Variants in PALS1 observed in about 807,000 individuals in gnomAD.
The protein encoded by PALS1 is protein associated with LIN7 1, MAGUK p55 family member.
In PALS1, 31 loss-of-function variants were observed where a neutral mutation model predicts 78.9. The observed-to-expected ratio is 0.39, with a 90% CI of 0.30 to 0.53. The LOEUF (loss-of-function observed/expected upper bound fraction) is 0.53, where lower values mean the gene tolerates loss of function less well. PALS1 is among the 20% of genes least tolerant of loss of function. The pLI, the probability that PALS1 is intolerant of heterozygous loss-of-function variation, is 0.67. For missense variants in PALS1, 704 were observed against 826.5 expected, an observed-to-expected ratio of 0.85 and a Z score of 1.82; for synonymous variants, 276 against 270.9, an observed-to-expected ratio of 1.02 and a Z score of -0.18.
At chr14:67,254,582 GTCGTACTTGTCCTGAAATACTC>G (rs2084117509) in intron 1 of PALS1, among the ~76,000 whole-genome samples, 1 of 151,974 alleles carries the variant, frequency 6.6e-6, no homozygotes, top group Non-Finnish European at 1.5e-5. Flanking sequence ...TACTGATACA[GTCGTACTTGTCCTGAAATACTC>G]TCTACTGTCA....
intron 5 of PALS1, 102 bp from the exon 6 acceptor site, chr14:67,301,870 T>A: frequency 7.9e-7 from 1 of 1,265,950 alleles, no homozygotes; most frequent in Non-Finnish European, 1.1e-6. Flanking sequence ...TATAACACTT[T>A]TAAAGATTTA....
At chr14:67,285,591 G>C (rs1470290079) in intron 3 of PALS1, among the ~76,000 whole-genome samples, 1 of 143,676 alleles carries the variant, frequency 7.0e-6, no homozygotes, top group South Asian at 2.3e-4. Context: ...GGATGGTCTC[G>C]ATCTCTGATC....
At chr14:67,304,858 C>A (rs979082534) in intron 8 of PALS1, among the ~76,000 whole-genome samples, 25 of 152,232 alleles carry the variant, frequency 1.6e-4, no homozygotes, top group African/African-American at 5.8e-4. Flanking sequence ...TGATGTATTG[C>A]ATCTGTTATT....
At position 67,316,857 on chromosome 14, in the gene PALS1, A is replaced by T; in HGVS notation, c.1251A>T (p.Glu417Asp). 1 of 1,612,566 alleles carries T rather than the reference A, an allele frequency of 6.2e-7. No individual in the cohort carries two copies. Among genetic ancestry groups the T allele is most frequent in the Non-Finnish European group, 8.5e-7 (1 of 1,179,198 alleles). ...GGAAAAGCTTTCAGCAGCAAAGGGA[A>T]GCCATGAAACAAACCATAGAAGAAG... ...VPGKSFQQQR[E>D]AMKQTIEEDK... The change falls in exon 10 of 15, where the codon GAA becomes GAT. Residue 417 changes from glutamate to aspartate, a missense_variant. Glu to Asp is a conservative substitution (Grantham distance 45). Coordinates refer to ENST00000261681, the MANE Select transcript of PALS1 (RefSeq NM_022474.4).
intron 3 of PALS1, among the ~76,000 whole-genome samples, chr14:67,291,126 G>A (rs1431200951): frequency 1.3e-5 from 2 of 151,956 alleles, no homozygotes; most frequent in Non-Finnish European, 2.9e-5. Flanking sequence ...TAATTAAGAG[G>A]TAAATGGAAA....
At chr14:67,303,072 C>T (rs930297916) in intron 7 of PALS1, among the ~76,000 whole-genome samples, 5 of 152,302 alleles carry the variant, frequency 3.3e-5, no homozygotes, top group African/African-American at 9.6e-5. Context: ...GTTCCTTATT[C>T]GCACTAGCTG....
rs772403914 is a variant in PALS1 at position 67,301,989 on chromosome 14, C to T, written c.672C>T (p.His224=). The change falls in exon 6 of 15, where the codon CAC becomes CAT. Residue 224 remains histidine (H), a synonymous_variant. Coordinates refer to ENST00000261681, the MANE Select transcript of PALS1 (RefSeq NM_022474.4). ...TPHIQALLLA[H]DKVAEQEMQL... ...TGAAACAGGCACTTTTACTGGCCCA[C>T]GATAAGGTTGCTGAGCAGGAAATGC... 5.6e-6 allele frequency: 9 copies of T among 1,598,532 alleles called. No homozygotes were observed. The highest frequency in any genetic ancestry group is 5.4e-5 in the African/African-American group (4 of 74,064).
chr14:67,279,583 A>T (rs2084572097), intron 3 of PALS1, 46 bp downstream of exon 3: 1 of 1,481,422 alleles, frequency 6.8e-7, no homozygotes, highest in African/African-American at 1.4e-5. Context: ...GCTTTAATTT[A>T]TCTGTGCCTT....
At chr14:67,266,591 G>A (rs1010958954) in intron 1 of PALS1, among the ~76,000 whole-genome samples, 2 of 152,108 alleles carry the variant, frequency 1.3e-5, no homozygotes, top group African/African-American at 4.8e-5. Context: ...CTCCCAAAGT[G>A]TTGGGATTAC....
intron 14 of PALS1, among the ~76,000 whole-genome samples, chr14:67,327,474 G>T (rs1339536878): frequency 2.6e-5 from 4 of 151,576 alleles, no homozygotes; most frequent in Non-Finnish European, 5.9e-5. Context: ...GGTTTTAAAT[G>T]TATTTTTATT....
intron 1 of PALS1, among the ~76,000 whole-genome samples, chr14:67,254,692 ATTTC>A (rs1352154572): frequency 6.6e-6 from 1 of 152,182 alleles, no homozygotes; most frequent in African/African-American, 2.4e-5. Context: ...GTTATTTGGT[ATTTC>A]TTCAGTGACA....
chr14:67,312,015 A>G (rs2085097720), intron 8 of PALS1: 1 of 152,686 alleles, frequency 6.5e-6, no homozygotes, highest in South Asian at 2.1e-4. Flanking sequence ...GTGGTAAGGT[A>G]AAGTGTACCT....
At chr14:67,305,785 T>C (rs752831302) in intron 8 of PALS1, among the ~76,000 whole-genome samples, 23 of 152,226 alleles carry the variant, frequency 1.5e-4, no homozygotes, top group Non-Finnish European at 2.8e-4. Context: ...TACTTATCCT[T>C]TAGTGGTTAT....
At chr14:67,274,256 G>A (rs992545210) in intron 2 of PALS1, among the ~76,000 whole-genome samples, 2 of 152,144 alleles carry the variant, frequency 1.3e-5, no homozygotes, top group Non-Finnish European at 2.9e-5. Context: ...CTGGTTTTAG[G>A]TCTAACATTT....
chr14:67,296,412 A>G (rs1595594413), intron 4 of PALS1, among the ~76,000 whole-genome samples: 4 of 151,970 alleles, frequency 2.6e-5, no homozygotes, highest in Admixed American at 2.6e-4. Context: ...CATCCTGGCT[A>G]ACATGGTGAA....
chr14:67,329,166 G>C lies in PALS1; in HGVS notation c.1852-3614G>C, dbSNP rs372242524. ...CTTTTACTTGGTTGAGCAGTGGTTT[G>C]TAGTTCTCCTTGAAGAGGTCCTTCA... On this transcript the variant is annotated intron_variant, in intron 14 of 14. Coordinates refer to ENST00000261681, the MANE Select transcript of PALS1 (RefSeq NM_022474.4). 9.2e-5 allele frequency among the ~76,000 whole-genome samples: 14 copies of C among 152,318 alleles called. No homozygotes were observed. The East Asian group carries it at 1.2e-3, about 13-fold the overall frequency.
intron 14 of PALS1, among the ~76,000 whole-genome samples, chr14:67,326,909 T>C (rs1232964148): frequency 6.6e-6 from 1 of 152,256 alleles, no homozygotes; most frequent in East Asian, 1.9e-4. Context: ...GCACAGTGGC[T>C]CACGCCTGTA....
At chr14:67,326,276 T>A (rs1332200340) in intron 14 of PALS1, among the ~76,000 whole-genome samples, 1 of 132,374 alleles carries the variant, frequency 7.6e-6, no homozygotes, top group Non-Finnish European at 1.6e-5. Flanking sequence ...AGATTCTATA[T>A]GTCACCCAGA....
chr14:67,284,429 TA>T lies in PALS1; in HGVS notation c.367+4907del, dbSNP rs530863294. 1.8e-3 allele frequency among the ~76,000 whole-genome samples: 168 copies of T among 92,648 alleles called. 1 individual carries two copies. The highest frequency in any genetic ancestry group is 4.5e-3 in the Middle Eastern group (1 of 220). The allele number at this position is 92,648 out of a possible 152,430, so 60.8% of individuals were successfully genotyped here. ...CTTGGGCAACATAGACCCTATCTCT[TA>T]AAAAAAAAAAAAAACAGCTGGGCAT... On this transcript the variant is annotated intron_variant, in intron 3 of 14. Transcript: ENST00000261681.
Sources: allele counts gnomAD v4.1 joint callset (sites outside exome capture counted in the v4.1 genomes callset), GRCh38; gene constraint gnomAD v4.1.1; transcripts MANE v1.5; gene names NCBI Gene and HGNC (gene_info 2026-07-23, HGNC 2026-07-21).